The following AGBL4 variants were observed in gnomAD, a reference collection of about 807,000 sequenced individuals.
AGBL4 encodes AGBL carboxypeptidase 4, also known as cytosolic carboxypeptidase 6.
In AGBL4, 58 loss-of-function variants were observed where a neutral mutation model predicts 66.4. The ratio of observed to expected loss-of-function variants is 0.87; its 90% CI spans 0.71 to 1.09. The LOEUF is 1.09. AGBL4 is among the 50% of genes least tolerant of loss of function. The pLI is 0.00. For synonymous variants in AGBL4, 234 were observed against 222.9 expected, an observed-to-expected ratio of 1.05 and a Z score of -0.44; for missense variants, 579 against 631.0, an observed-to-expected ratio of 0.92 and a Z score of 0.88.
intron 1 of AGBL4, among the ~76,000 whole-genome samples, chr1:49,864,514 G>A (rs1020331072): frequency 3.9e-5 from 6 of 152,206 alleles, no homozygotes; most frequent in African/African-American, 1.4e-4. Flanking sequence ...GGTGGTTGGC[G>A]CGAACCATGA....
chr1:48,880,556 T>C (rs944548005), intron 5 of AGBL4, among the ~76,000 whole-genome samples: 2 of 152,230 alleles, frequency 1.3e-5, no homozygotes, highest in Non-Finnish European at 2.9e-5. Flanking sequence ...TTTTCCACAG[T>C]GGTTGTACTA....
chr1:48,618,600 G>T (rs997087033), intron 9 of AGBL4, among the ~76,000 whole-genome samples: 1 of 152,330 alleles, frequency 6.6e-6, no homozygotes, highest in East Asian at 1.9e-4. Flanking sequence ...TAGAAGGCCA[G>T]AATTACATTA....
chr1:49,769,088 C>T lies in AGBL4; in HGVS notation c.158-71651G>A, dbSNP rs187438626. 4.9e-3 allele frequency among the ~76,000 whole-genome samples: 751 copies of T among 152,206 alleles called. 5 individuals carry two copies. The highest frequency in any genetic ancestry group is 7.9e-3 in the Admixed American group (121 of 15,284). ...GGTCTCGATCTTGTGACCTCGTGAT[C>T]TGCCCACCTCGGCCTCCCAAAGTGG... is the stretch of plus-strand genomic sequence containing the variant. On this transcript the variant is annotated intron_variant, in intron 2 of 13. Coordinates refer to ENST00000371839, the MANE Select transcript of AGBL4 (RefSeq NM_032785.4).
Position 49,932,054 on chromosome 1 carries a change from T to C in AGBL4, c.35-80536A>G, listed in dbSNP as rs371917030. ...AATAATGATCAACTGGTAACTATAA[T>C]GGAAATATTCCAAAATAAAAAAAAT... On this transcript the variant is annotated intron_variant, in intron 1 of 13. Coordinates refer to ENST00000371839, the MANE Select transcript of AGBL4 (RefSeq NM_032785.4). Among the ~76,000 whole-genome samples, 36 of 152,248 alleles carry C rather than the reference T, an allele frequency of 2.4e-4. No individual in the cohort carries two copies. In the South Asian group the frequency reaches 7.1e-3, roughly 30 times the overall value.
intron 2 of AGBL4, among the ~76,000 whole-genome samples, chr1:49,766,778 AGGTCAATGT>A (rs1346338428): frequency 1.3e-5 from 2 of 152,146 alleles, no homozygotes; most frequent in Admixed American, 6.5e-5. Context: ...AACAGAGGTC[AGGTCAATGT>A]TCTTATATCA....
chr1:49,502,502 G>T lies in AGBL4; in HGVS notation c.282+194811C>A, dbSNP rs185885070. On this transcript the variant is annotated intron_variant, in intron 3 of 13. Coordinates refer to ENST00000371839, the MANE Select transcript of AGBL4 (RefSeq NM_032785.4). ...CAGGCAGAAGTTGAAAGAGTTTGGA[G>T]GGCTCAGAAGACAAAAAATTGGGGG... 1.6e-4 allele frequency among the ~76,000 whole-genome samples: 24 copies of T among 152,174 alleles called. 1 individual carries two copies. The highest frequency in any genetic ancestry group is 7.2e-4 in the Admixed American group (11 of 15,288).
intron 1 of AGBL4, among the ~76,000 whole-genome samples, chr1:49,889,539 A>G (rs6690455): frequency 0.97 from 148,346 of 152,180 alleles, 72,318 homozygotes; most frequent in East Asian, 1. Flanking sequence ...GTTGGGTCAC[A>G]AGGTCAGGAG....
At chr1:49,928,647 T>C (rs1165371635) in intron 1 of AGBL4, among the ~76,000 whole-genome samples, 1 of 152,114 alleles carries the variant, frequency 6.6e-6, no homozygotes, top group Non-Finnish European at 1.5e-5. Flanking sequence ...ATGAAAACTA[T>C]AAACCCGTAT....
intron 1 of AGBL4, among the ~76,000 whole-genome samples, chr1:49,874,901 T>C (rs1317280383): frequency 6.6e-6 from 1 of 151,594 alleles, no homozygotes; most frequent in Non-Finnish European, 1.5e-5. Context: ...TGTATACATG[T>C]GACATGCTGG....
chr1:49,590,588 T>C (rs1257552542), intron 3 of AGBL4, among the ~76,000 whole-genome samples: 1 of 152,030 alleles, frequency 6.6e-6, no homozygotes, highest in African/African-American at 2.4e-5. Flanking sequence ...TTTTCAAAAG[T>C]TTTACGTAAG....
intron 3 of AGBL4, among the ~76,000 whole-genome samples, chr1:49,548,565 T>C (rs1429931864): frequency 6.6e-6 from 1 of 152,252 alleles, no homozygotes; most frequent in Non-Finnish European, 1.5e-5. Context: ...TCTGTTTATA[T>C]GGTGTATCAC....
chr1:48,770,860 C>A (rs1401121325), intron 6 of AGBL4, among the ~76,000 whole-genome samples: 1 of 152,146 alleles, frequency 6.6e-6, no homozygotes, highest in African/African-American at 2.4e-5. Flanking sequence ...CCATGACCAC[C>A]ACCACCTTAG....
intron 3 of AGBL4, among the ~76,000 whole-genome samples, chr1:49,516,127 A>G (rs2148793268): frequency 6.6e-6 from 1 of 151,936 alleles, no homozygotes; most frequent in Non-Finnish European, 1.5e-5. Context: ...AACTCACACA[A>G]AGATTCATTA....
chr1:49,739,263 A>C (rs4456138), intron 2 of AGBL4, among the ~76,000 whole-genome samples: 9,990 of 152,284 alleles, frequency 0.066, 1,031 homozygotes, highest in African/African-American at 0.22. Flanking sequence ...GGAATGCACA[A>C]GCCTCAGTAG....
At chr1:48,955,914 G>C (rs947160608) in intron 5 of AGBL4, among the ~76,000 whole-genome samples, 1 of 152,226 alleles carries the variant, frequency 6.6e-6, no homozygotes, top group African/African-American at 2.4e-5. Flanking sequence ...TCAGTAAACA[G>C]TAGCTGGGAG....
At chr1:49,930,501 T>C (rs1443144506) in intron 1 of AGBL4, among the ~76,000 whole-genome samples, 7 of 152,052 alleles carry the variant, frequency 4.6e-5, no homozygotes, top group African/African-American at 1.7e-4. Context: ...CAGACCAATA[T>C]ATTCATGAAC....
At chr1:48,709,273 A>G (rs74076451) in intron 6 of AGBL4, among the ~76,000 whole-genome samples, 1,718 of 152,362 alleles carry the variant, frequency 0.011, 39 homozygotes, top group African/African-American at 0.039. Context: ...CTACAAAGAC[A>G]GATAAAAATA....
chr1:49,386,639 T>TG (rs1644742769), intron 3 of AGBL4, among the ~76,000 whole-genome samples: 1 of 151,992 alleles, frequency 6.6e-6, no homozygotes, highest in South Asian at 2.1e-4. Context: ...CATATATCCC[T>TG]GTTCACTTGA....
rs376774081 is a variant in AGBL4, at chr1:49,146,165, T to C, written c.377+99605A>G. On this transcript the variant is annotated intron_variant, in intron 4 of 13. Coordinates refer to ENST00000371839, the MANE Select transcript of AGBL4 (RefSeq NM_032785.4). ...ACAGTCAATGGGTACAAAAAACAAA[T>C]TGAATAAGACCTAGTACTGGATAAT... Among the ~76,000 whole-genome samples the C allele has an allele frequency of 5.3e-5, 8 of 152,014 alleles. No homozygotes were observed. The South Asian group carries it at 1.0e-3, about 20-fold the overall frequency.
Sources: allele counts gnomAD v4.1 joint callset (sites outside exome capture counted in the v4.1 genomes callset), GRCh38; gene constraint gnomAD v4.1.1; transcripts MANE v1.5; gene names NCBI Gene and HGNC (gene_info 2026-07-23, HGNC 2026-07-21).